Variants in FER observed in about 807,000 individuals in gnomAD.
The protein encoded by FER is tyrosine-protein kinase Fer.
In FER, 63 loss-of-function variants were observed where a neutral mutation model predicts 111.0. The observed-to-expected ratio is 0.57, with a 90% CI of 0.46 to 0.70. The LOEUF (loss-of-function observed/expected upper bound fraction) is 0.70. Ranked by LOEUF, FER falls within the 30% of genes least tolerant of loss-of-function variation. The probability of loss-of-function intolerance (pLI) is 0.00; values close to 1 mark genes in which losing one functional copy is unlikely to be tolerated. For synonymous variants in FER, 327 were observed against 313.9 expected (o/e 1.04, Z -0.44); for missense variants, 914 against 954.0 (o/e 0.96, Z 0.55).
chr5:109,152,537 AGTATT>A (rs1169315202), intron 17 of FER, among the ~76,000 whole-genome samples: 1 of 151,994 alleles, frequency 6.6e-6, no homozygotes, highest in Non-Finnish European at 1.5e-5. Flanking sequence ...CCTCTGGAAA[AGTATT>A]GAATTATGAT....
chr5:108,884,366 A>T lies in FER; in HGVS notation c.1046+848A>T, dbSNP rs554615814. ...TCATAGTGAGCAGATGGACATCCAC[A>T]TCCCAGAAATAAATTAGAAACATTG... On this transcript the variant is annotated intron_variant, in intron 9 of 19. Coordinates refer to ENST00000281092, the MANE Select transcript of FER (RefSeq NM_005246.4). Among the ~76,000 whole-genome samples, 3 of 152,136 alleles carry T rather than the reference A, an allele frequency of 2.0e-5. No homozygotes were observed. In the East Asian group the frequency reaches 5.8e-4, roughly 29 times the overall value.
chr5:108,774,675 G>T (rs1479406601), intron 2 of FER, among the ~76,000 whole-genome samples: 1 of 151,460 alleles, frequency 6.6e-6, no homozygotes, highest in Non-Finnish European at 1.5e-5. Context: ...TTTCATGTTT[G>T]TTGGCTACAT....
chr5:108,762,720 T>C (rs1751898562), intron 1 of FER, among the ~76,000 whole-genome samples: 1 of 152,196 alleles, frequency 6.6e-6, no homozygotes, highest in Non-Finnish European at 1.5e-5. Flanking sequence ...TGCGGGATTT[T>C]TTTACTATTT....
intron 3 of FER, among the ~76,000 whole-genome samples, chr5:108,809,190 A>G (rs1757497634): frequency 6.6e-6 from 1 of 152,174 alleles, no homozygotes; most frequent in Non-Finnish European, 1.5e-5. Context: ...TATGTTTTCC[A>G]GGTTGTTTAC....
At chr5:109,047,973 T>C (rs570252214) in intron 16 of FER, among the ~76,000 whole-genome samples, 44 of 152,298 alleles carry the variant, frequency 2.9e-4, no homozygotes, top group African/African-American at 1.1e-3. Context: ...AACTTCCTGT[T>C]GTAGAAGATA....
At chr5:109,020,532 G>C (rs1252867711) in intron 13 of FER, among the ~76,000 whole-genome samples, 2 of 152,058 alleles carry the variant, frequency 1.3e-5, no homozygotes, top group Admixed American at 1.3e-4. Context: ...GCCACATTTA[G>C]ATCTCAGTTT....
chr5:108,799,846 C>CTTTTTT (rs112192717), intron 3 of FER, among the ~76,000 whole-genome samples: 3 of 138,942 alleles, frequency 2.2e-5, no homozygotes, highest in African/African-American at 5.3e-5. Context: ...CTTTTCTTTT[C>CTTTTTT]TTTTTTTTTT....
intron 1 of FER, among the ~76,000 whole-genome samples, chr5:108,753,602 T>C (rs1283887150): frequency 6.6e-6 from 1 of 152,208 alleles, no homozygotes; most frequent in Non-Finnish European, 1.5e-5. Context: ...GCAAACACAT[T>C]TTCTCAATCT....
chr5:108,917,715 AG>A (rs1347263816), intron 10 of FER, among the ~76,000 whole-genome samples: 2 of 152,198 alleles, frequency 1.3e-5, no homozygotes, highest in Non-Finnish European at 2.9e-5. Flanking sequence ...AGTATGAAAA[AG>A]GTGATACTTT....
chr5:108,816,453 G>T (rs983484608), intron 3 of FER, among the ~76,000 whole-genome samples: 2 of 152,290 alleles, frequency 1.3e-5, no homozygotes, highest in South Asian at 4.2e-4. Flanking sequence ...CAAGCTTCAG[G>T]TCTTTTCAAA....
intron 3 of FER, among the ~76,000 whole-genome samples, chr5:108,822,763 A>ATTTTAT (rs780802986): frequency 2.5e-5 from 3 of 118,932 alleles, no homozygotes; most frequent in Admixed American, 8.6e-5. Flanking sequence ...ATTTTATTTT[A>ATTTTAT]TTTATTTTAT....
At chr5:109,186,739 T>C (rs915636582) in intron 19 of FER, among the ~76,000 whole-genome samples, 2 of 152,202 alleles carry the variant, frequency 1.3e-5, no homozygotes, top group African/African-American at 4.8e-5. Context: ...AAGAAACCCT[T>C]TGGGGTTCCT....
At chr5:109,029,425 CTTTTTTTTTTTT>C (rs757282669) in intron 13 of FER, among the ~76,000 whole-genome samples, 2 of 52,212 alleles carry the variant, frequency 3.8e-5, no homozygotes, top group African/African-American at 1.7e-4. Flanking sequence ...ATTCATTGTT[CTTTTTTTTTTTT>C]TTTTTTTTTT....
chr5:109,163,479 G>GT (rs2126754111), intron 17 of FER, among the ~76,000 whole-genome samples: 1 of 152,208 alleles, frequency 6.6e-6, no homozygotes, highest in South Asian at 2.1e-4. Flanking sequence ...TTCCAAAGTG[G>GT]TTGTTCCACT....
chr5:109,039,727 A>G (rs1770888788), intron 14 of FER, among the ~76,000 whole-genome samples: 1 of 152,078 alleles, frequency 6.6e-6, no homozygotes, highest in Non-Finnish European at 1.5e-5. Context: ...AGCAAGAGGG[A>G]ATGTGATAGG....
At chr5:109,091,433 C>A (rs574335168) in intron 16 of FER, among the ~76,000 whole-genome samples, 1 of 152,354 alleles carries the variant, frequency 6.6e-6, no homozygotes, top group African/African-American at 2.4e-5. Flanking sequence ...GTGTGCACAT[C>A]TGTGAAAGCA....
intron 3 of FER, among the ~76,000 whole-genome samples, chr5:108,828,007 T>G (rs1396971950): frequency 1.3e-5 from 2 of 151,970 alleles, no homozygotes; most frequent in African/African-American, 4.8e-5. Flanking sequence ...TGTTTAAATT[T>G]AAAAACAAAG....
intron 17 of FER, among the ~76,000 whole-genome samples, chr5:109,151,939 G>A (rs1455085470): frequency 1.3e-5 from 2 of 152,098 alleles, no homozygotes; most frequent in African/African-American, 4.8e-5. Context: ...TTACTGTCAT[G>A]CCTCCTGTTC....
intron 17 of FER, among the ~76,000 whole-genome samples, chr5:109,175,464 G>A (rs988429993): frequency 5.3e-5 from 8 of 152,040 alleles, no homozygotes; most frequent in Non-Finnish European, 1.2e-4. Flanking sequence ...AAGGATTGAA[G>A]ACTTAAAATA....
Sources: gnomAD v4.1 joint callset for allele counts (sites outside exome capture counted in the v4.1 genomes callset) on GRCh38, gnomAD v4.1.1 for gene constraint, MANE v1.5 for transcripts, NCBI Gene and HGNC (gene_info 2026-07-23, HGNC 2026-07-21) for gene names.